Variants in TJP1 observed in about 807,000 individuals in gnomAD.
The protein encoded by TJP1 is tight junction protein ZO-1.
TJP1 carries 43 observed loss-of-function variants against 194.2 expected under a neutral mutation model. The ratio of observed to expected loss-of-function variants is 0.22; its 90% CI spans 0.17 to 0.29. The LOEUF (loss-of-function observed/expected upper bound fraction) is 0.29, where lower values mean the gene tolerates loss of function less well. TJP1 is among the 10% of genes least tolerant of loss of function. The pLI, the probability that TJP1 is intolerant of heterozygous loss-of-function variation, is 1.00. For synonymous variants in TJP1, 801 were observed against 779.0 expected, an observed-to-expected ratio of 1.03 and a Z score of -0.47; for missense variants, 1,971 against 2,185.7, an observed-to-expected ratio of 0.90 and a Z score of 1.96.
chr15:29,798,316 G>A (rs2048553096), intron 2 of TJP1, among the ~76,000 whole-genome samples: 1 of 150,602 alleles, frequency 6.6e-6, no homozygotes, highest in African/African-American at 2.4e-5. Context: ...AATACGGATT[G>A]AGTATCCTTT....
At chr15:29,734,433 A>G (rs1566923012) in intron 11 of TJP1, 51 bp from the exon 12 acceptor site, 1 of 1,356,024 alleles carries the variant, frequency 7.4e-7, no homozygotes, top group Non-Finnish European at 1.0e-6. Context: ...GAATATGAAA[A>G]TAACATACGC....
intron 2 of TJP1, among the ~76,000 whole-genome samples, chr15:29,888,747 T>C (rs2053206942): frequency 6.6e-6 from 1 of 152,136 alleles, no homozygotes; most frequent in African/African-American, 2.4e-5. Flanking sequence ...TGGCTCAGTG[T>C]CCCCAGAGTT....
chr15:29,738,596 T>C (rs1938073221), intron 10 of TJP1, among the ~76,000 whole-genome samples: 1 of 152,132 alleles, frequency 6.6e-6, no homozygotes, highest in Admixed American at 6.5e-5. Context: ...CATGAAACTA[T>C]TTACCAGCTT....
At chr15:29,757,502 G>A (rs372436430) in intron 8 of TJP1, among the ~76,000 whole-genome samples, 3 of 152,130 alleles carry the variant, frequency 2.0e-5, no homozygotes, top group African/African-American at 4.8e-5. Context: ...CTCTTATAAT[G>A]TATCTAAGTT....
chr15:29,939,933 A>AC (rs574082992), intron 2 of TJP1, among the ~76,000 whole-genome samples: 264 of 151,462 alleles, frequency 1.7e-3, no homozygotes, highest in Non-Finnish European at 2.7e-3. Flanking sequence ...TAACCCCCCA[A>AC]CCCCCCAGTT....
At chr15:29,794,760 G>C (rs772042375) in intron 2 of TJP1, among the ~76,000 whole-genome samples, 12 of 152,100 alleles carry the variant, frequency 7.9e-5, no homozygotes, top group Non-Finnish European at 1.6e-4. Flanking sequence ...ATGTAATGTG[G>C]TAATAGCAAA....
chr15:29,872,091 C>T (rs1361565206), intron 2 of TJP1, among the ~76,000 whole-genome samples: 1 of 152,156 alleles, frequency 6.6e-6, no homozygotes, highest in Admixed American at 6.5e-5. Context: ...CAGCGGGGGA[C>T]ACAATGGTGA....
chr15:29,815,429 G>A (rs1476600561), intron 1 of TJP1, among the ~76,000 whole-genome samples: 1 of 152,214 alleles, frequency 6.6e-6, no homozygotes, highest in East Asian at 1.9e-4. Flanking sequence ...TATTCCAGGA[G>A]GATCATTCTA....
Position 29,726,720 on chromosome 15 carries a change from G to C in TJP1, c.2311+61C>G, listed in dbSNP as rs1265467703. ...TAGTATTTGAACACCGTAACATTTT[G>C]GCCTACTTAATGTTGCCCAGACATT... On this transcript the variant is annotated intron_variant, in intron 17 of 27. Transcript: ENST00000614355. 4.8e-6 allele frequency: 7 copies of C among 1,463,330 alleles called. No individual in the cohort carries two copies. The African/African-American group carries it at 5.6e-5, about 12-fold the overall frequency. 90.6% of individuals were successfully genotyped at this position (1,463,330 alleles called of 1,614,324 possible). A position where few individuals can be genotyped will look rare whatever the true frequency, so the allele number is the denominator to read the frequency against.
exon 1 of TJP1, chr15:29,968,712 G>A: frequency 8.3e-7 from 1 of 1,208,596 alleles, no homozygotes; most frequent in Non-Finnish European, 1.1e-6. Context: ...GTTGGAGGGG[G>A]TGACGCCGAT....
At chr15:29,784,466 ATTT>A (rs547487976) in intron 2 of TJP1, among the ~76,000 whole-genome samples, 3 of 151,018 alleles carry the variant, frequency 2.0e-5, no homozygotes, top group African/African-American at 7.3e-5. Flanking sequence ...AGCCTGGCTA[ATTT>A]TTTTTTGTAT....
intron 2 of TJP1, among the ~76,000 whole-genome samples, chr15:29,936,712 G>A (rs547908677): frequency 9.9e-5 from 15 of 152,174 alleles, no homozygotes; most frequent in Admixed American, 3.9e-4. Flanking sequence ...TCTCAATCCC[G>A]CAAATTATTA....
chr15:29,720,827 G>C, intron 18 of TJP1, 119 bp from the exon 19 acceptor site: 3 of 785,750 alleles, frequency 3.8e-6, no homozygotes, highest in Admixed American at 3.0e-5. Context: ...TCTACTTCTT[G>C]AAACTTCTGG....
rs1292361474 is a variant in TJP1, at chr15:29,876,674, C to T, written c.307-75972G>A. Among the ~76,000 whole-genome samples, 6 of 152,264 alleles carry T rather than the reference C, an allele frequency of 3.9e-5. No homozygotes were observed. In the East Asian group the frequency reaches 5.8e-4, roughly 15 times the overall value. On this transcript the variant is annotated intron_variant, in intron 2 of 28. Coordinates refer to the TJP1 transcript ENST00000356107. ...CATCCCTGCTCTACATGATGCAAGA[C>T]GGGTCTGCTTGTGATCTTGGTTCAT...
At chr15:29,706,497 A>T (rs1430746884) in intron 25 of TJP1, among the ~76,000 whole-genome samples, 1 of 152,172 alleles carries the variant, frequency 6.6e-6, no homozygotes, top group Non-Finnish European at 1.5e-5. Context: ...TTTTGGCAAT[A>T]TTCCAAAATC....
In TJP1 at chr15:29,701,119, C is replaced by G. The variant is rs554295939; in HGVS notation, c.*476G>C. 2.1e-4 allele frequency: 32 copies of G among 154,456 alleles called. No homozygotes were observed. The highest frequency in any genetic ancestry group is 3.8e-4 in the East Asian group (2 of 5,256). 9.6% of individuals were successfully genotyped at this position (154,456 alleles called of 1,614,324 possible). On this transcript the variant is annotated 3_prime_UTR_variant, in exon 28 of 28. Coordinates refer to ENST00000614355, the MANE Select transcript of TJP1 (RefSeq NM_001330239.4). ...TCCTTGCTGTACATTTCTGTTAAAT[C>G]CACAACACTGGTTATATATTCCAGG...
At chr15:29,912,574 T>C (rs1223052575) in intron 2 of TJP1, among the ~76,000 whole-genome samples, 1 of 151,600 alleles carries the variant, frequency 6.6e-6, no homozygotes, top group Admixed American at 6.6e-5. Context: ...GATGTGGTAG[T>C]GCATGCCTGT....
chr15:29,916,672 C>T (rs1378923631), intron 2 of TJP1, among the ~76,000 whole-genome samples: 1 of 152,172 alleles, frequency 6.6e-6, no homozygotes, highest in Non-Finnish European at 1.5e-5. Flanking sequence ...ACCTGACCTA[C>T]TTGTTCTAAA....
intron 8 of TJP1, among the ~76,000 whole-genome samples, chr15:29,745,768 T>G (rs1273682450): frequency 6.6e-6 from 1 of 152,224 alleles, no homozygotes; most frequent in Non-Finnish European, 1.5e-5. Flanking sequence ...ATGTCCATAA[T>G]ACGGAAAGTT....
Sources: allele counts gnomAD v4.1 joint callset (sites outside exome capture counted in the v4.1 genomes callset), GRCh38; gene constraint gnomAD v4.1.1; transcripts MANE v1.5; gene names NCBI Gene and HGNC (gene_info 2026-07-23, HGNC 2026-07-21).